ATP10B: variants seen among roughly 807,000 people sequenced by gnomAD.
ATP10B encodes the protein phospholipid-transporting ATPase VB.
ATP10B carries 122 observed loss-of-function variants against 141.2 expected under a neutral mutation model. The observed-to-expected ratio is 0.86, with a 90% CI of 0.75 to 1.00. The LOEUF (loss-of-function observed/expected upper bound fraction) is 1.00, where lower values mean the gene tolerates loss of function less well. Ranked by LOEUF, ATP10B falls within the 50% of genes least tolerant of loss-of-function variation. ATP10B has a pLI of 0.00. For synonymous variants in ATP10B, 685 were observed against 692.0 expected (o/e 0.99, Z 0.16); for missense variants, 1,876 against 1,825.3 (o/e 1.03, Z -0.51).
chr5:160,602,474 C>A, intron 21 of ATP10B, 103 bp downstream of exon 21: 1 of 1,501,908 alleles, frequency 6.7e-7, no homozygotes, highest in Non-Finnish European at 9.1e-7. Flanking sequence ...CAGCCTGACT[C>A]CTTCCTTTAT....
chr5:160,909,713 C>A, the ATP10B span, among the ~76,000 whole-genome samples: 5 of 152,080 alleles, frequency 3.3e-5, no homozygotes, highest in Admixed American at 3.3e-4. Context: ...TCTGTTTTTT[C>A]TCTTGTTTAT....
intron 17 of ATP10B, among the ~76,000 whole-genome samples, chr5:160,613,485 G>T (rs1462561703): frequency 6.6e-6 from 1 of 152,204 alleles, no homozygotes; most frequent in Non-Finnish European, 1.5e-5. Flanking sequence ...GGGAGTGATA[G>T]AATCAGTTTT....
At chr5:160,890,768 GCA>G in the ATP10B span, among the ~76,000 whole-genome samples, 1 of 152,008 alleles carries the variant, frequency 6.6e-6, no homozygotes, top group African/African-American at 2.4e-5. Context: ...AGGCTGTAGT[GCA>G]GTGGCACAAT....
chr5:160,615,404 C>A (rs1757942228), intron 17 of ATP10B, among the ~76,000 whole-genome samples: 1 of 151,250 alleles, frequency 6.6e-6, no homozygotes. Flanking sequence ...CATCTGCTAG[C>A]CCAGCTCTCA....
intron 6 of ATP10B, 140 bp from the exon 7 acceptor site, chr5:160,670,807 C>T (rs1044580418): frequency 1.6e-5 from 11 of 675,258 alleles, no homozygotes; most frequent in Non-Finnish European, 2.3e-5. Flanking sequence ...TCTACCTTAC[C>T]CCTGAATGAC....
intron 17 of ATP10B, among the ~76,000 whole-genome samples, chr5:160,613,549 G>C (rs1312708077): frequency 6.6e-6 from 1 of 152,220 alleles, no homozygotes; most frequent in Non-Finnish European, 1.5e-5. Context: ...AAAGCAGGAT[G>C]AGATTCAGAA....
intron 3 of ATP10B, among the ~76,000 whole-genome samples, chr5:160,709,345 A>G (rs1197597066): frequency 6.6e-6 from 1 of 152,198 alleles, no homozygotes; most frequent in East Asian, 1.9e-4. Context: ...TAGATACACA[A>G]ATTTGAAAAG....
chr5:160,757,858 G>T (rs1768744335), intron 2 of ATP10B, among the ~76,000 whole-genome samples: 1 of 152,142 alleles, frequency 6.6e-6, no homozygotes, highest in South Asian at 2.1e-4. Context: ...TTGTTGCAGG[G>T]AACTGTCCTG....
chr5:160,618,080 G>T lies in ATP10B; in HGVS notation c.2417-107C>A, dbSNP rs1489582898. ...AGTAGACTACAAATACTTTAGAGAAGGAATCCCTTACAGCCCACCTTAGAA... is the reference window on the plus strand; with the variant it reads ...AGTAGACTACAAATACTTTAGAGAATGAATCCCTTACAGCCCACCTTAGAA... On this transcript the variant is annotated intron_variant, in intron 15 of 25. Coordinates refer to ENST00000327245, the MANE Select transcript of ATP10B (RefSeq NM_025153.3). The T allele has an allele frequency of 3.3e-6, 3 of 916,740 alleles. No homozygotes were observed. The East Asian group carries it at 7.4e-5, about 23-fold the overall frequency. The allele number at this position is 916,740 out of a possible 1,614,324, so 56.8% of individuals were successfully genotyped here.
At chr5:160,604,373 T>A (rs559846866) in intron 19 of ATP10B, among the ~76,000 whole-genome samples, 1 of 152,338 alleles carries the variant, frequency 6.6e-6, no homozygotes, top group African/African-American at 2.4e-5. Flanking sequence ...TGAACTTTAC[T>A]GATGAGCAAA....
chr5:160,782,981 A>G (rs867039778), intron 2 of ATP10B, among the ~76,000 whole-genome samples: 3 of 152,128 alleles, frequency 2.0e-5, no homozygotes, highest in African/African-American at 7.2e-5. Flanking sequence ...TTACATATAC[A>G]CATGTAAGTT....
chr5:160,650,506 G>T (rs1161534641), intron 7 of ATP10B, among the ~76,000 whole-genome samples: 21 of 152,118 alleles, frequency 1.4e-4, no homozygotes, highest in Non-Finnish European at 3.1e-4. Context: ...TTAATTGGTG[G>T]TCTGAAGAAA....
At chr5:160,911,482 G>C in the ATP10B span, among the ~76,000 whole-genome samples, 3 of 152,192 alleles carry the variant, frequency 2.0e-5, no homozygotes, top group Non-Finnish European at 4.4e-5. Flanking sequence ...CTTGAGTACA[G>C]AGCTGGTTGG....
the ATP10B span, among the ~76,000 whole-genome samples, chr5:160,918,919 G>A: frequency 2.7e-4 from 41 of 152,264 alleles, 1 homozygote; most frequent in Middle Eastern, 0.014. Flanking sequence ...GTGTTACTAT[G>A]AGGGACAGTA....
intron 2 of ATP10B, among the ~76,000 whole-genome samples, chr5:160,775,011 G>T (rs1770187501): frequency 6.6e-6 from 1 of 152,188 alleles, no homozygotes. Flanking sequence ...GACCCACCAG[G>T]CTCCTATGGA....
At chr5:160,598,618 A>T in intron 22 of ATP10B, 152 bp downstream of exon 22, 1 of 716,852 alleles carries the variant, frequency 1.4e-6, no homozygotes, top group Non-Finnish European at 2.4e-6. Flanking sequence ...TCAGGAAAGG[A>T]GAGAGGAGTT....
At chr5:160,613,628 A>G (rs1757847735) in intron 17 of ATP10B, among the ~76,000 whole-genome samples, 1 of 152,342 alleles carries the variant, frequency 6.6e-6, no homozygotes, top group Non-Finnish European at 1.5e-5. Flanking sequence ...CTGGCCTAGC[A>G]GCAATAGGAA....
the ATP10B span, among the ~76,000 whole-genome samples, chr5:160,914,596 C>T: frequency 6.6e-6 from 1 of 151,846 alleles, no homozygotes; most frequent in South Asian, 2.1e-4. Context: ...TTTATTGTTT[C>T]CCTTTTTTCT....
At chr5:160,879,275 C>G in the ATP10B span, among the ~76,000 whole-genome samples, 362 of 62,384 alleles carry the variant, frequency 5.8e-3, 5 homozygotes, top group African/African-American at 0.02. Flanking sequence ...TCTCAGTAAA[C>G]TATCGCAAGA....
Sources: allele counts gnomAD v4.1 joint callset (sites outside exome capture counted in the v4.1 genomes callset), GRCh38; gene constraint gnomAD v4.1.1; transcripts MANE v1.5; gene names NCBI Gene and HGNC (gene_info 2026-07-23, HGNC 2026-07-21).